The following SNX13 variants were observed in gnomAD, a reference collection of about 807,000 sequenced individuals.
SNX13 encodes the protein sorting nexin 13, also known as sorting nexin-13.
In SNX13, 45 loss-of-function variants were observed where a neutral mutation model predicts 133.6. The observed-to-expected ratio is 0.34, with a 90% confidence interval of 0.27 to 0.43. The LOEUF (loss-of-function observed/expected upper bound fraction) is 0.43, where lower values mean the gene tolerates loss of function less well. Ranked by LOEUF, SNX13 falls within the 20% of genes least tolerant of loss-of-function variation. SNX13 has a pLI of 1.00. For synonymous variants in SNX13, 414 were observed against 373.9 expected, an observed-to-expected ratio of 1.11 and a Z score of -1.24; for missense variants, 1,032 against 1,145.1, an observed-to-expected ratio of 0.90 and a Z score of 1.43.
chr7:17,904,347 A>C (rs796852786), intron 1 of SNX13, among the ~76,000 whole-genome samples: 7 of 152,352 alleles, frequency 4.6e-5, no homozygotes, highest in African/African-American at 1.2e-4. Flanking sequence ...GTCTAGTTGT[A>C]GCAGACTGGT....
chr7:17,844,058 G>C (rs1417564414), intron 12 of SNX13, among the ~76,000 whole-genome samples: 1 of 146,244 alleles, frequency 6.8e-6, no homozygotes. Context: ...GCAGAAGGAA[G>C]GAAACAGTAA....
intron 12 of SNX13, among the ~76,000 whole-genome samples, chr7:17,844,360 A>T (rs752283261): frequency 6.6e-6 from 1 of 152,098 alleles, no homozygotes; most frequent in Non-Finnish European, 1.5e-5. Flanking sequence ...TCATGAAGGA[A>T]TTGAAAATCT....
chr7:17,793,975 T>C lies in SNX13; in HGVS notation c.*70A>G, dbSNP rs1056976907. On this transcript the variant is annotated 3_prime_UTR_variant, in exon 26 of 26. Transcript: ENST00000428135. ...GGTGCAGACACAACAGTATTTGAGT[T>C]AAGCCCCAGAAGATCTGTCCATACC... 1.2e-5 allele frequency: 19 copies of C among 1,528,662 alleles called. No individual in the cohort carries two copies. The highest frequency in any genetic ancestry group is 1.7e-5 in the Non-Finnish European group (19 of 1,130,322). The allele number at this position is 1,528,662 out of a possible 1,614,324, so 94.7% of individuals were successfully genotyped here. A position where few individuals can be genotyped will look rare whatever the true frequency, so the allele number is the denominator to read the frequency against.
At chr7:17,881,516 A>C (rs1795342088) in intron 5 of SNX13, 1 of 152,130 alleles carries the variant, frequency 6.6e-6, no homozygotes, top group Non-Finnish European at 1.5e-5. Flanking sequence ...TAGAATTCCT[A>C]GTTTTCTTGG....
At chr7:17,834,658 T>C in intron 14 of SNX13, 103 bp downstream of exon 14, 1 of 643,726 alleles carries the variant, frequency 1.6e-6, no homozygotes, top group Non-Finnish European at 2.5e-6. Flanking sequence ...TTTATCTTTT[T>C]AATACCACTC....
intron 23 of SNX13, 31 bp from the exon 24 acceptor site, chr7:17,798,789 T>A (rs770745298): frequency 6.8e-7 from 1 of 1,477,514 alleles, no homozygotes; most frequent in South Asian, 1.3e-5. Context: ...ATGAGGAAGG[T>A]TAAAATTTTA....
intron 15 of SNX13, among the ~76,000 whole-genome samples, chr7:17,833,579 G>A (rs1016850279): frequency 3.3e-5 from 5 of 151,504 alleles, no homozygotes; most frequent in East Asian, 1.9e-4. Flanking sequence ...TGACTCTTGC[G>A]GCTTTTTCTA....
chr7:17,913,294 G>A (rs1799199655), intron 1 of SNX13, among the ~76,000 whole-genome samples: 1 of 152,222 alleles, frequency 6.6e-6, no homozygotes, highest in South Asian at 2.1e-4. Flanking sequence ...CCAGTGCACT[G>A]TTGCAGAGAC....
In SNX13 at chr7:17,846,088, C is replaced by T. The variant is rs139509717; in HGVS notation, c.1066-394G>A. On this transcript the variant is annotated intron_variant, in intron 11 of 25. Transcript: ENST00000428135. ...CATTTTCATGTATAAAGTCTATTTA[C>T]TACTAGGAAAACAAAATATGCCTAA... 4.8e-3 allele frequency among the ~76,000 whole-genome samples: 736 copies of T among 152,144 alleles called. 5 individuals carry two copies. Among genetic ancestry groups the T allele is most frequent in the African/African-American group, 0.017 (710 of 41,518 alleles).
intron 13 of SNX13, among the ~76,000 whole-genome samples, chr7:17,837,901 T>A (rs1583424991): frequency 6.6e-6 from 1 of 151,876 alleles, no homozygotes; most frequent in South Asian, 2.1e-4. Flanking sequence ...ACTATATGAG[T>A]TTTTATCACA....
At chr7:17,893,277 A>C in intron 3 of SNX13, 55 bp downstream of exon 3, 1 of 1,181,208 alleles carries the variant, frequency 8.5e-7, no homozygotes, top group Non-Finnish European at 1.2e-6. Context: ...TGATTACTCT[A>C]TTATCATTGC....
intron 13 of SNX13, among the ~76,000 whole-genome samples, chr7:17,836,434 C>A (rs1789150802): frequency 6.6e-6 from 1 of 151,998 alleles, no homozygotes; most frequent in African/African-American, 2.4e-5. Context: ...AGAGAATTGC[C>A]TGAACCTGGG....
At chr7:17,805,246 T>TGTGTGTGCGA (rs1785089886) in intron 20 of SNX13, among the ~76,000 whole-genome samples, 1 of 100,200 alleles carries the variant, frequency 1.0e-5, no homozygotes, top group African/African-American at 3.3e-5. Context: ...TGTGTGTGTG[T>TGTGTGTGCGA]GTGTGCGTGC....
chr7:17,802,046 TTC>T (rs1283012147), intron 21 of SNX13, among the ~76,000 whole-genome samples: 1 of 152,090 alleles, frequency 6.6e-6, no homozygotes, highest in African/African-American at 2.4e-5. Flanking sequence ...ACTGCATTTT[TTC>T]TGTGTCGATA....
intron 1 of SNX13, among the ~76,000 whole-genome samples, chr7:17,929,286 A>G (rs1168188793): frequency 6.6e-6 from 1 of 152,144 alleles, no homozygotes; most frequent in Admixed American, 6.5e-5. Context: ...ATAATCTCCA[A>G]CTAAGTAAAA....
intron 1 of SNX13, among the ~76,000 whole-genome samples, chr7:17,925,186 C>A (rs994172154): frequency 3.9e-5 from 6 of 152,030 alleles, no homozygotes; most frequent in Admixed American, 1.3e-4. Context: ...TGCACTACAG[C>A]CTGAGTGAAA....
intron 15 of SNX13, chr7:17,831,581 T>C (rs1788492889): frequency 4.1e-6 from 4 of 984,216 alleles, no homozygotes; most frequent in Non-Finnish European, 4.8e-6. Flanking sequence ...CACCAGAGGA[T>C]ACAGTACTAT....
intron 17 of SNX13, among the ~76,000 whole-genome samples, chr7:17,822,385 G>A (rs575146156): frequency 1.7e-4 from 26 of 151,998 alleles, no homozygotes; most frequent in African/African-American, 5.8e-4. Flanking sequence ...TACAATTAAC[G>A]TCTCCAAAAG....
At chr7:17,869,379 G>A (rs1005747420) in intron 8 of SNX13, among the ~76,000 whole-genome samples, 2 of 151,992 alleles carry the variant, frequency 1.3e-5, no homozygotes, top group African/African-American at 4.8e-5. Context: ...TTTGATAAAT[G>A]AGTAGAAAAA....
Sources: allele counts gnomAD v4.1 joint callset (sites outside exome capture counted in the v4.1 genomes callset), GRCh38; gene constraint gnomAD v4.1.1; transcripts MANE v1.5; gene names NCBI Gene and HGNC (gene_info 2026-07-23, HGNC 2026-07-21).